Variants in MKLN1 observed in about 807,000 individuals in gnomAD.
The protein encoded by MKLN1 is muskelin 1, also known as muskelin.
A neutral mutation model predicts 99.0 loss-of-function variants in MKLN1; 18 were observed. The observed-to-expected ratio is 0.18, with a 90% CI of 0.13 to 0.27. The LOEUF (loss-of-function observed/expected upper bound fraction) is 0.27. Among genes scored for constraint, MKLN1 ranks in the 10% least tolerant of loss-of-function variants. The pLI is 1.00. For synonymous variants in MKLN1, 288 were observed against 293.2 expected (o/e 0.98, Z 0.18); for missense variants, 621 against 875.9 (o/e 0.71, Z 3.67).
At chr7:131,329,073 A>AT (rs1237161851) in intron 1 of MKLN1, among the ~76,000 whole-genome samples, 43 of 152,338 alleles carry the variant, frequency 2.8e-4, no homozygotes, top group African/African-American at 9.4e-4. Flanking sequence ...AATGAATAAT[A>AT]TATTTTACTG....
chr7:131,263,368 T>TAATAATAATAATAATAATAATAAA lies in MKLN1; in HGVS notation c.-179+60399_-179+60400insTAATAATAATAATAATAAAAATAA, dbSNP rs373239401. Among the ~76,000 whole-genome samples, 440 of 140,350 alleles carry TAATAATAATAATAATAATAATAAA rather than the reference T, an allele frequency of 3.1e-3. 4 individuals carry two copies. Among genetic ancestry groups the TAATAATAATAATAATAATAATAAA allele is most frequent in the East Asian group, 0.02 (92 of 4,610 alleles). 92.1% of individuals were successfully genotyped at this position (140,350 alleles called of 152,430 possible). On this transcript the variant is annotated intron_variant, in intron 3 of 7. Coordinates refer to the MKLN1 transcript ENST00000416992. ...TTATTAATAATAATAATAATAATAA[T>TAATAATAATAATAATAATAATAAA]AATAAAATTAGCTGGGTGTGGTGGC...
At chr7:131,122,656 A>G (rs1165393040) in intron 1 of MKLN1, among the ~76,000 whole-genome samples, 1 of 152,196 alleles carries the variant, frequency 6.6e-6, no homozygotes, top group Non-Finnish European at 1.5e-5. Flanking sequence ...AAAGGTGACT[A>G]CTGGCAGGAA....
chr7:131,403,375 A>C (rs1378746556), intron 6 of MKLN1, among the ~76,000 whole-genome samples: 2 of 152,152 alleles, frequency 1.3e-5, no homozygotes, highest in African/African-American at 2.4e-5. Context: ...GGCTTAAGGG[A>C]GTGTTATGAC....
chr7:131,375,490 C>CT lies in MKLN1; in HGVS notation c.165_166insT (p.Gln56SerfsTer22). 6.2e-7 allele frequency: 1 copy of CT among 1,600,294 alleles called. No individual in the cohort carries two copies. ...GGTCTTCAGAGAGCAACTATCCTCC[C>CT]CAGGTAAGATTACATGTATCCCTTA... On this transcript the variant is annotated frameshift_variant, in exon 2 of 18. Coordinates refer to ENST00000352689, the MANE Select transcript of MKLN1 (RefSeq NM_013255.5). LOFTEE classifies it high-confidence loss of function.
chr7:131,391,607 G>A (rs935670495), intron 4 of MKLN1, among the ~76,000 whole-genome samples: 1 of 152,208 alleles, frequency 6.6e-6, no homozygotes, highest in Non-Finnish European at 1.5e-5. Context: ...CAGAGTACCA[G>A]TAAAGCTGAA....
At chr7:131,236,673 T>A (rs915004570) in intron 3 of MKLN1, among the ~76,000 whole-genome samples, 28 of 151,852 alleles carry the variant, frequency 1.8e-4, no homozygotes, top group African/African-American at 4.4e-4. Context: ...AAAAAAATTT[T>A]AAAAAAAGTA....
At chr7:131,328,501 G>A (rs1294053388) in intron 1 of MKLN1, among the ~76,000 whole-genome samples, 2 of 152,198 alleles carry the variant, frequency 1.3e-5, no homozygotes. Flanking sequence ...CTCTAGAGTA[G>A]TGTTAAAAGT....
rs1256910921 is a variant in MKLN1 at position 131,437,828 on chromosome 7, T to G, written c.1004T>G (p.Ile335Ser). ...TCGTGTCATAAAATGTGCATTGATA[T>G]TCAACGGAGGCAAATCTACACATTG... is the stretch of plus-strand genomic sequence containing the variant. Reference protein sequence around the residue: ...ARSCHKMCIDIQRRQIYTLGR... With the variant: ...ARSCHKMCIDSQRRQIYTLGR... The change falls in exon 10 of 18, where the codon ATT (isoleucine) becomes AGT (serine). Residue 335 changes from isoleucine to serine, a missense_variant. By Grantham distance (142) the Ile-to-Ser change is moderately radical (BLOSUM62 -2). This residue lies in a region of MKLN1 where 361 missense variants were observed against 540.8 expected (regional missense o/e 0.67). Transcript: ENST00000352689. 2 of 1,612,614 alleles carry G rather than the reference T, an allele frequency of 1.2e-6. No homozygotes were observed. Among genetic ancestry groups the G allele is most frequent in the Non-Finnish European group, 1.7e-6 (2 of 1,179,506 alleles).
intron 3 of MKLN1, among the ~76,000 whole-genome samples, chr7:131,235,666 T>C (rs1797310795): frequency 6.6e-6 from 1 of 152,194 alleles, no homozygotes; most frequent in South Asian, 2.1e-4. Flanking sequence ...TGTGAACTTA[T>C]ATATGACTGG....
chr7:131,439,888 ACACACAC>A (rs1795783232), intron 10 of MKLN1, among the ~76,000 whole-genome samples: 2 of 139,598 alleles, frequency 1.4e-5, no homozygotes, highest in Non-Finnish European at 3.0e-5. Context: ...ACACACACAC[ACACACAC>A]ACACACACAC....
intron 2 of MKLN1, among the ~76,000 whole-genome samples, chr7:131,179,357 G>A (rs1304973240): frequency 6.6e-6 from 1 of 152,094 alleles, no homozygotes; most frequent in Non-Finnish European, 1.5e-5. Context: ...TCTACCTATT[G>A]AAGGAAGAAG....
At chr7:131,466,214 C>T in intron 14 of MKLN1, 62 bp from the exon 15 acceptor site, 1 of 1,280,896 alleles carries the variant, frequency 7.8e-7, no homozygotes, top group Non-Finnish European at 1.1e-6. Context: ...TTATGCACTG[C>T]TACTAGAATA....
intron 3 of MKLN1, among the ~76,000 whole-genome samples, chr7:131,316,436 A>C (rs1371527655): frequency 6.6e-6 from 1 of 152,150 alleles, no homozygotes; most frequent in East Asian, 1.9e-4. Context: ...CCCACACAAA[A>C]ACTCCCATCC....
chr7:131,234,742 GA>G (rs1304780849), intron 3 of MKLN1, among the ~76,000 whole-genome samples: 1 of 152,136 alleles, frequency 6.6e-6, no homozygotes, highest in African/African-American at 2.4e-5. Flanking sequence ...GAGATCCAAG[GA>G]ACTTTGCTTT....
rs367966819 is a variant in MKLN1 at position 131,356,061 on chromosome 7, TA to T, written c.99-19362del. On this transcript the variant is annotated intron_variant, in intron 1 of 17. Transcript: ENST00000352689. Reference sequence around the variant, plus strand: ...TGTATATACCTCCCAATAGTTCCCCTATTTTTTTTTTTTTTTTTTTTGAGGA... The same window carrying T: ...TGTATATACCTCCCAATAGTTCCCCTTTTTTTTTTTTTTTTTTTTTGAGGA... Among the ~76,000 whole-genome samples the T allele has an allele frequency of 1.3e-4, 19 of 148,148 alleles. No homozygotes were observed. In the South Asian group the frequency reaches 2.5e-3, roughly 20 times the overall value.
chr7:131,442,642 G>T (rs1235611097), intron 10 of MKLN1, among the ~76,000 whole-genome samples: 3 of 152,140 alleles, frequency 2.0e-5, no homozygotes, highest in Non-Finnish European at 4.4e-5. Flanking sequence ...TCAAATGGTT[G>T]GGTTTTATTT....
At chr7:131,217,652 C>A (rs983564378) in intron 3 of MKLN1, among the ~76,000 whole-genome samples, 7 of 152,184 alleles carry the variant, frequency 4.6e-5, no homozygotes, top group Non-Finnish European at 1.0e-4. Flanking sequence ...GAGCCGAGAT[C>A]GTGCCATGGC....
In MKLN1 at chr7:131,267,912, CACA is replaced by C. The variant is rs901920568; in HGVS notation, c.-179+64942_-179+64944del. Among the ~76,000 whole-genome samples, 72 of 152,278 alleles carry C rather than the reference CACA, an allele frequency of 4.7e-4. No individual in the cohort carries two copies. The Middle Eastern group carries it at 0.014, about 29-fold the overall frequency. ...ATTGCCTATTAGTATTGTGCTCAAC[CACA>C]ACATTTTATAATAATTTAAAAAATA... is the stretch of plus-strand genomic sequence containing the variant. On this transcript the variant is annotated intron_variant, in intron 3 of 7. Transcript: ENST00000416992.
intron 1 of MKLN1, among the ~76,000 whole-genome samples, chr7:131,371,039 G>A (rs895145403): frequency 1.3e-5 from 2 of 152,040 alleles, no homozygotes; most frequent in Admixed American, 1.3e-4. Flanking sequence ...TTTCAATTTA[G>A]TATGAGCTTT....
Sources: allele counts gnomAD v4.1 joint callset (sites outside exome capture counted in the v4.1 genomes callset), GRCh38; gene constraint gnomAD v4.1.1; regional missense constraint gnomAD v4.1.1; transcripts MANE v1.5; gene names NCBI Gene and HGNC (gene_info 2026-07-23, HGNC 2026-07-21).